DENND5B: variants seen among roughly 807,000 people sequenced by gnomAD.
DENND5B encodes the protein DENN domain-containing protein 5B.
A neutral mutation model predicts 140.6 loss-of-function variants in DENND5B; 34 were observed. The ratio of observed to expected loss-of-function variants is 0.24; its 90% CI spans 0.18 to 0.32. The LOEUF (loss-of-function observed/expected upper bound fraction) is 0.32, where lower values mean the gene tolerates loss of function less well. DENND5B is among the 10% of genes least tolerant of loss of function. The probability of loss-of-function intolerance (pLI) is 1.00; values close to 1 mark genes in which losing one functional copy is unlikely to be tolerated. For synonymous variants in DENND5B, 551 were observed against 562.1 expected, an observed-to-expected ratio of 0.98 and a Z score of 0.28; for missense variants, 1,142 against 1,560.2, an observed-to-expected ratio of 0.73 and a Z score of 4.52.
At chr12:31,435,786 G>A (rs941115267) in intron 7 of DENND5B, among the ~76,000 whole-genome samples, 26 of 151,194 alleles carry the variant, frequency 1.7e-4, no homozygotes, top group Admixed American at 1.5e-3. Context: ...TCAGTCTCCC[G>A]AATAGCTGGG....
intron 3 of DENND5B, among the ~76,000 whole-genome samples, chr12:31,472,743 A>G (rs934482592): frequency 2.0e-5 from 3 of 152,222 alleles, no homozygotes; most frequent in Admixed American, 2.0e-4. Context: ...GATTACAATT[A>G]GAAACATGAT....
chr12:31,532,030 T>C (rs1304891680), intron 1 of DENND5B, among the ~76,000 whole-genome samples: 3 of 152,152 alleles, frequency 2.0e-5, no homozygotes, highest in Non-Finnish European at 4.4e-5. Flanking sequence ...AAATAACAAA[T>C]GCCTGCTCTC....
At position 31,497,202 on chromosome 12, in the gene DENND5B, G is replaced by C. The variant is rs1011867689; in HGVS notation, c.128-1283C>G. Among the ~76,000 whole-genome samples, 6 of 151,900 alleles carry C rather than the reference G, an allele frequency of 3.9e-5. No homozygotes were observed. The Middle Eastern group carries it at 0.014, about 347-fold the overall frequency. ...TGGAGACAACAATATAAAATACATA[G>C]GAATTTTTTTGAACAAGGACACATA... On this transcript the variant is annotated intron_variant, in intron 1 of 20. Transcript: ENST00000389082.
intron 4 of DENND5B, among the ~76,000 whole-genome samples, chr12:31,457,922 T>C (rs1290903008): frequency 1.3e-5 from 2 of 151,744 alleles, no homozygotes; most frequent in Non-Finnish European, 2.9e-5. Context: ...CACCGTGTTA[T>C]CCAGGATGGT....
At chr12:31,563,106 T>C (rs1251166946) in intron 1 of DENND5B, among the ~76,000 whole-genome samples, 2 of 152,160 alleles carry the variant, frequency 1.3e-5, no homozygotes, top group Non-Finnish European at 2.9e-5. Flanking sequence ...CAAAGTCAGC[T>C]AGGTTTCTGG....
At chr12:31,552,279 G>C (rs1949095168) in intron 1 of DENND5B, among the ~76,000 whole-genome samples, 1 of 152,168 alleles carries the variant, frequency 6.6e-6, no homozygotes, top group Non-Finnish European at 1.5e-5. Context: ...ATGAAGGGCT[G>C]CTGAATTTTG....
Position 31,402,534 on chromosome 12 carries a change from C to A in DENND5B, c.2913G>T (p.Met971Ile), listed in dbSNP as rs776117446. ...TTTCGAGGAGGTTTTTGGGAATCTG[C>A]ATTACTCCTGTGTCTCCCAGCTCTC... ...VSGELGDTGV[M>I]QIPKNLLEMT... Residue 971 changes from methionine (M) to isoleucine (I), a missense_variant, in exon 15 of 21, where the codon ATG (methionine) becomes ATT (isoleucine). By Grantham distance (10) the Met-to-Ile change is conservative. This residue lies in a region of DENND5B where 268 missense variants were observed against 349.2 expected (regional missense o/e 0.77). Coordinates refer to ENST00000389082, the MANE Select transcript of DENND5B (RefSeq NM_144973.4). 6.2e-7 allele frequency: 1 copy of A among 1,613,674 alleles called. No homozygotes were observed. The highest frequency in any genetic ancestry group is 8.5e-7 in the Non-Finnish European group (1 of 1,179,792).
At chr12:31,456,321 C>T (rs2617189) in intron 4 of DENND5B, among the ~76,000 whole-genome samples, 10,889 of 111,138 alleles carry the variant, frequency 0.098, 927 homozygotes, top group African/African-American at 0.27. Context: ...CAGAGTGAGA[C>T]TCCGTCTCAA....
At chr12:31,529,887 C>T (rs1360217821) in intron 1 of DENND5B, among the ~76,000 whole-genome samples, 1 of 152,058 alleles carries the variant, frequency 6.6e-6, no homozygotes, top group African/African-American at 2.4e-5. Flanking sequence ...TGCATTCTCC[C>T]AAAAATGCAC....
chr12:31,495,584 G>C lies in DENND5B; in HGVS notation c.237+226C>G, dbSNP rs138015317. On this transcript the variant is annotated intron_variant, in intron 2 of 20. Coordinates refer to ENST00000389082, the MANE Select transcript of DENND5B (RefSeq NM_144973.4). Reference sequence around the variant, plus strand: ...AGTAGAGACGGGGTTTCACTATGTTGGTCAGGCTGGTCTTAAACTGACCTC... The same window carrying C: ...AGTAGAGACGGGGTTTCACTATGTTCGTCAGGCTGGTCTTAAACTGACCTC... Among the ~76,000 whole-genome samples the C allele has an allele frequency of 1.3e-3, 193 of 151,794 alleles. 1 individual carries two copies. Among genetic ancestry groups the C allele is most frequent in the African/African-American group, 3.6e-3 (150 of 41,396 alleles).
At chr12:31,399,424 G>A (rs990565915) in intron 16 of DENND5B, among the ~76,000 whole-genome samples, 8 of 151,292 alleles carry the variant, frequency 5.3e-5, no homozygotes, top group African/African-American at 1.7e-4. Context: ...GATTACAAGC[G>A]TACACCACCA....
At chr12:31,549,034 T>A (rs1948951281) in intron 1 of DENND5B, among the ~76,000 whole-genome samples, 1 of 152,024 alleles carries the variant, frequency 6.6e-6, no homozygotes, top group Non-Finnish European at 1.5e-5. Context: ...TAGCTCGGGG[T>A]ACAGGCACCT....
chr12:31,496,055 G>C (rs1057001347), intron 1 of DENND5B, 136 bp from the exon 2 acceptor site: 14 of 541,834 alleles, frequency 2.6e-5, no homozygotes, highest in African/African-American at 2.4e-4. Context: ...CATCTGTATT[G>C]TAAAATCCCG....
chr12:31,510,440 C>T (rs12299050), intron 1 of DENND5B, among the ~76,000 whole-genome samples: 10,500 of 152,210 alleles, frequency 0.069, 787 homozygotes, highest in African/African-American at 0.19. Flanking sequence ...CTCAGCCTCC[C>T]GGGTAGCTAG....
intron 4 of DENND5B, among the ~76,000 whole-genome samples, chr12:31,458,145 T>C (rs1240772454): frequency 6.6e-6 from 1 of 152,250 alleles, no homozygotes; most frequent in East Asian, 1.9e-4. Context: ...GACATTACTG[T>C]AGGAGCTTTC....
chr12:31,484,614 A>G (rs1450352602), intron 2 of DENND5B, among the ~76,000 whole-genome samples: 2 of 152,124 alleles, frequency 1.3e-5, no homozygotes, highest in African/African-American at 4.8e-5. Flanking sequence ...CAGCCTGGGC[A>G]ACATGGTGAA....
At chr12:31,580,955 ATCAG>A (rs1489519690) in intron 1 of DENND5B, among the ~76,000 whole-genome samples, 2 of 152,076 alleles carry the variant, frequency 1.3e-5, no homozygotes, top group Non-Finnish European at 1.5e-5. Context: ...AATTTTTTTA[ATCAG>A]TCAGGCATAG....
At chr12:31,392,729 T>C (rs1258793613) in intron 17 of DENND5B, 33 bp from the exon 18 acceptor site, 1 of 1,539,382 alleles carries the variant, frequency 6.5e-7, no homozygotes, top group Admixed American at 2.0e-5. Context: ...TGCATTCTCA[T>C]GGGAGAGAAA....
At chr12:31,556,213 T>C (rs569068717) in intron 1 of DENND5B, among the ~76,000 whole-genome samples, 1 of 152,136 alleles carries the variant, frequency 6.6e-6, no homozygotes, top group Non-Finnish European at 1.5e-5. Context: ...CCCCTTTTTT[T>C]TCTTTTTTTA....
Sources: gnomAD v4.1 joint callset for allele counts (sites outside exome capture counted in the v4.1 genomes callset) on GRCh38, gnomAD v4.1.1 for gene constraint, gnomAD v4.1.1 regional missense constraint, MANE v1.5 for transcripts, NCBI Gene and HGNC (gene_info 2026-07-23, HGNC 2026-07-21) for gene names.